The following TSPAN5 variants were observed in gnomAD, a reference collection of about 807,000 sequenced individuals.
TSPAN5 encodes tetraspanin-5.
TSPAN5 carries 10 observed loss-of-function variants against 37.1 expected under a neutral mutation model. The observed-to-expected ratio is 0.27, with a 90% CI of 0.17 to 0.46. TSPAN5 has a LOEUF of 0.46. TSPAN5 is among the 20% of genes least tolerant of loss of function. The probability of loss-of-function intolerance (pLI) is 1.00; values close to 1 mark genes in which losing one functional copy is unlikely to be tolerated. For synonymous variants in TSPAN5, 110 were observed against 118.9 expected (o/e 0.93, Z 0.48); for missense variants, 195 against 326.6 (o/e 0.60, Z 3.11).
chr4:98,481,104 C>T (rs746160188), intron 4 of TSPAN5, among the ~76,000 whole-genome samples: 5 of 152,068 alleles, frequency 3.3e-5, no homozygotes, highest in Non-Finnish European at 7.4e-5. Context: ...CTCAGCCTAC[C>T]CGACTTTTCA....
chr4:98,520,978 C>A (rs926911224), intron 1 of TSPAN5, among the ~76,000 whole-genome samples: 2 of 152,114 alleles, frequency 1.3e-5, no homozygotes, highest in South Asian at 4.1e-4. Flanking sequence ...GTCGCCCAGG[C>A]TGGAGTGCAG....
intron 1 of TSPAN5, among the ~76,000 whole-genome samples, chr4:98,639,706 C>G (rs1756924628): frequency 6.6e-6 from 1 of 152,160 alleles, no homozygotes; most frequent in Admixed American, 6.5e-5. Context: ...GGTGACCCAA[C>G]CCAGCTTTTG....
chr4:98,650,359 A>AT (rs1449083351), intron 1 of TSPAN5, among the ~76,000 whole-genome samples: 4 of 152,106 alleles, frequency 2.6e-5, no homozygotes, highest in Non-Finnish European at 4.4e-5. Context: ...AGGTATCCAT[A>AT]TGGGGATGGG....
At chr4:98,527,010 A>AAAGAC (rs1753976929) in intron 1 of TSPAN5, among the ~76,000 whole-genome samples, 1 of 152,228 alleles carries the variant, frequency 6.6e-6, no homozygotes, top group African/African-American at 2.4e-5. Flanking sequence ...ACATAGCATC[A>AAAGAC]AAGAATCTGG....
chr4:98,473,338 G>A, intron 7 of TSPAN5, among the ~76,000 whole-genome samples: 1 of 152,040 alleles, frequency 6.6e-6, no homozygotes, highest in Non-Finnish European at 1.5e-5. Flanking sequence ...GCCGATACTT[G>A]TTATTGTCTG....
chr4:98,538,496 A>G (rs1026334698), intron 1 of TSPAN5, among the ~76,000 whole-genome samples: 2 of 152,220 alleles, frequency 1.3e-5, no homozygotes, highest in African/African-American at 4.8e-5. Flanking sequence ...TCTGACATCT[A>G]AGAGTCACAT....
At chr4:98,571,541 T>C (rs1755120364) in intron 1 of TSPAN5, among the ~76,000 whole-genome samples, 1 of 151,696 alleles carries the variant, frequency 6.6e-6, no homozygotes, top group South Asian at 2.1e-4. Context: ...AGCATTTTTA[T>C]TATACCATTC....
intron 1 of TSPAN5, among the ~76,000 whole-genome samples, chr4:98,564,374 C>T (rs566049301): frequency 2.0e-5 from 3 of 152,252 alleles, no homozygotes; most frequent in East Asian, 1.9e-4. Context: ...TAGCCTCCTA[C>T]GAATATAAAT....
intron 1 of TSPAN5, among the ~76,000 whole-genome samples, chr4:98,591,074 T>G (rs1240735099): frequency 2.0e-5 from 3 of 150,336 alleles, no homozygotes; most frequent in Non-Finnish European, 2.9e-5. Flanking sequence ...TTTTTGTTTT[T>G]TTGTTTTTTT....
chr4:98,652,420 T>G (rs1757210950), intron 1 of TSPAN5, among the ~76,000 whole-genome samples: 1 of 152,242 alleles, frequency 6.6e-6, no homozygotes, highest in East Asian at 1.9e-4. Flanking sequence ...GAAGAACATT[T>G]TCATCCTAAC....
chr4:98,568,631 A>G (rs1755058427), intron 1 of TSPAN5, among the ~76,000 whole-genome samples: 1 of 152,154 alleles, frequency 6.6e-6, no homozygotes, highest in African/African-American at 2.4e-5. Flanking sequence ...AAAGAAATTT[A>G]GACTCCCACC....
chr4:98,526,590 T>C (rs934186043), intron 1 of TSPAN5, among the ~76,000 whole-genome samples: 1 of 151,878 alleles, frequency 6.6e-6, no homozygotes, highest in Non-Finnish European at 1.5e-5. Context: ...GAATCAATAA[T>C]GAACCTAAAT....
chr4:98,472,332 T>A lies in TSPAN5; in HGVS notation c.*190A>T. ...ACGGCGCAACGACTTTCATACTGGTTATTTTTTTTTTTAATTCTGTCAGTG... is the reference window on the plus strand; with the variant it reads ...ACGGCGCAACGACTTTCATACTGGTAATTTTTTTTTTTAATTCTGTCAGTG... On this transcript the variant is annotated 3_prime_UTR_variant, in exon 8 of 8. Coordinates refer to ENST00000305798, the MANE Select transcript of TSPAN5 (RefSeq NM_005723.4). The A allele has an allele frequency of 2.1e-6, 1 of 483,896 alleles. No individual in the cohort carries two copies. The allele number at this position is 483,896 out of a possible 1,614,324, so 30.0% of individuals were successfully genotyped here.
At chr4:98,606,504 T>TGTAA (rs1446529651) in intron 1 of TSPAN5, among the ~76,000 whole-genome samples, 2 of 152,228 alleles carry the variant, frequency 1.3e-5, no homozygotes, top group Non-Finnish European at 2.9e-5. Context: ...ACATAAACTA[T>TGTAA]GTAAGTGTCT....
intron 3 of TSPAN5, chr4:98,484,746 G>T: frequency 2.8e-6 from 1 of 356,682 alleles, no homozygotes; most frequent in Admixed American, 3.8e-5. Context: ...TGGATCACTT[G>T]AGGTCCGGAG....
At chr4:98,620,649 T>A (rs1295801294) in intron 1 of TSPAN5, among the ~76,000 whole-genome samples, 1 of 152,190 alleles carries the variant, frequency 6.6e-6, no homozygotes, top group Non-Finnish European at 1.5e-5. Flanking sequence ...AGGGCTGCGA[T>A]CTGAAGGGTG....
At chr4:98,630,282 A>C (rs1756710760) in intron 1 of TSPAN5, among the ~76,000 whole-genome samples, 1 of 152,348 alleles carries the variant, frequency 6.6e-6, no homozygotes, top group South Asian at 2.1e-4. Context: ...TCCAGCCATG[A>C]GGCCTGATGG....
intron 1 of TSPAN5, among the ~76,000 whole-genome samples, chr4:98,548,257 A>C (rs564562300): frequency 6.6e-6 from 1 of 152,186 alleles, no homozygotes; most frequent in South Asian, 2.1e-4. Flanking sequence ...CACCTACTGA[A>C]AAACAAAACC....
At chr4:98,547,476 C>G in intron 1 of TSPAN5, among the ~76,000 whole-genome samples, 1 of 152,166 alleles carries the variant, frequency 6.6e-6, no homozygotes, top group East Asian at 1.9e-4. Flanking sequence ...GAACCCTGTA[C>G]AGACTGAATT....
Sources: allele counts gnomAD v4.1 joint callset (sites outside exome capture counted in the v4.1 genomes callset), GRCh38; gene constraint gnomAD v4.1.1; transcripts MANE v1.5; gene names NCBI Gene and HGNC (gene_info 2026-07-23, HGNC 2026-07-21).